Variants in CAMTA1 observed in about 807,000 individuals in gnomAD.
CAMTA1 encodes calmodulin-binding transcription activator 1.
In CAMTA1, 27 loss-of-function variants were observed where a neutral mutation model predicts 170.9. The observed-to-expected ratio is 0.16, with a 90% CI of 0.12 to 0.22. The LOEUF (loss-of-function observed/expected upper bound fraction) is 0.22. Ranked by LOEUF, CAMTA1 falls within the 10% of genes least tolerant of loss-of-function variation. CAMTA1 has a pLI of 1.00. For missense variants in CAMTA1, 1,619 were observed against 2,217.2 expected (o/e 0.73, Z 5.42); for synonymous variants, 833 against 891.5 (o/e 0.93, Z 1.17).
At chr1:7,012,930 C>T (rs1244945669) in intron 3 of CAMTA1, among the ~76,000 whole-genome samples, 4 of 152,290 alleles carry the variant, frequency 2.6e-5, no homozygotes, top group South Asian at 4.2e-4. Flanking sequence ...GGGTATAGAA[C>T]CTGAGTGTCT....
At position 7,572,123 on chromosome 1, in the gene CAMTA1, G is replaced by A. The variant is rs753004990; in HGVS notation, c.511-68277G>A. ...AGCATTTTTCATATGCCTATTGGCC[G>A]CATGTATGTCTTCTTTTGAAAAGTG... On this transcript the variant is annotated intron_variant, in intron 6 of 22. Transcript: ENST00000303635. Among the ~76,000 whole-genome samples, 7 of 152,258 alleles carry A rather than the reference G, an allele frequency of 4.6e-5. No homozygotes were observed. In the South Asian group the frequency reaches 1.0e-3, roughly 23 times the overall value.
intron 1 of CAMTA1, among the ~76,000 whole-genome samples, chr1:6,812,894 TG>T (rs1041397251): frequency 5.3e-5 from 8 of 152,238 alleles, no homozygotes; most frequent in African/African-American, 1.9e-4. Flanking sequence ...TGTTTGCTTT[TG>T]AACTCAATTC....
intron 3 of CAMTA1, among the ~76,000 whole-genome samples, chr1:7,052,014 A>G (rs896800440): frequency 7.5e-6 from 1 of 132,602 alleles, no homozygotes; most frequent in Admixed American, 9.0e-5. Flanking sequence ...GCTGCCCTTC[A>G]GCCCTTTCAA....
Position 7,010,507 on chromosome 1 carries a change from G to T in CAMTA1, c.235-80797G>T, listed in dbSNP as rs1306635697. ...TTCCTTATTTTTTGTTATCTTGGCT[G>T]TTTGACAAATAGACTTTGGAGGTGG... is the stretch of plus-strand genomic sequence containing the variant. On this transcript the variant is annotated intron_variant, in intron 3 of 22. Coordinates refer to ENST00000303635, the MANE Select transcript of CAMTA1 (RefSeq NM_015215.4). The surrounding 1 kb of genome is among the most constrained non-coding windows in gnomAD (Gnocchi z 4.4). Among the ~76,000 whole-genome samples the T allele has an allele frequency of 2.6e-5, 4 of 152,330 alleles. No homozygotes were observed. The East Asian group carries it at 7.7e-4, about 29-fold the overall frequency.
rs113794585 is a variant in CAMTA1 at position 7,730,561 on chromosome 1, C to G, written c.2915-1887C>G. Among the ~76,000 whole-genome samples the G allele has an allele frequency of 9.3e-3, 1,419 of 152,290 alleles. 10 individuals carry two copies. Among genetic ancestry groups the G allele is most frequent in the Non-Finnish European group, 0.015 (1,044 of 68,010 alleles). On this transcript the variant is annotated intron_variant, in intron 11 of 22. Transcript: ENST00000303635. ...CCTGTGCTAGAGTAGGGAGAGACCT[C>G]CCCTCTTCGCTATTGAATATCTGGC...
At position 7,146,694 on chromosome 1, in the gene CAMTA1, G is replaced by C. The variant is rs1646205735; in HGVS notation, c.302+55323G>C. 1.3e-5 allele frequency among the ~76,000 whole-genome samples: 2 copies of C among 152,018 alleles called. No homozygotes were observed. Among genetic ancestry groups the C allele is most frequent in the African/African-American group, 4.8e-5 (2 of 41,378 alleles). On this transcript the variant is annotated intron_variant, in intron 4 of 22. Transcript: ENST00000303635. This position sits in a 1 kb window ranked among gnomAD's most constrained non-coding sequence, Gnocchi z 4.3. ...GGGGTTGATGTGGGCAGTCAGAGGG[G>C]GTAGGGAGAGAAGGGTTTGGCGTAT...
intron 1 of CAMTA1, among the ~76,000 whole-genome samples, chr1:6,800,669 A>G (rs989556743): frequency 3.3e-5 from 5 of 152,196 alleles, no homozygotes; most frequent in South Asian, 2.1e-4. Flanking sequence ...ATTAAAATCT[A>G]TCGATTCCCA....
rs552161442 is a variant in CAMTA1 at position 7,406,363 on chromosome 1, TC to T, written c.439-61465del. On this transcript the variant is annotated intron_variant, in intron 5 of 22. Coordinates refer to ENST00000303635, the MANE Select transcript of CAMTA1 (RefSeq NM_015215.4). ...ACCACAGCTAACCAGTAGTAAGTGT[TC>T]CTGAAAGGTAGGACATGAGGCCAGA... 1.2e-3 allele frequency among the ~76,000 whole-genome samples: 183 copies of T among 152,284 alleles called. 1 individual carries two copies. Among genetic ancestry groups the T allele is most frequent in the African/African-American group, 4.3e-3 (177 of 41,552 alleles).
At chr1:7,011,036 G>A (rs904942704) in intron 3 of CAMTA1, among the ~76,000 whole-genome samples, 2 of 152,154 alleles carry the variant, frequency 1.3e-5, no homozygotes, top group East Asian at 1.9e-4. Flanking sequence ...CAGCGGTCCC[G>A]ACAGACGCCT....
At chr1:7,049,642 A>G (rs992037002) in intron 3 of CAMTA1, among the ~76,000 whole-genome samples, 1 of 152,112 alleles carries the variant, frequency 6.6e-6, no homozygotes, top group Non-Finnish European at 1.5e-5. Flanking sequence ...TTTTTACTAG[A>G]GATGAGGTTT....
Position 7,259,559 on chromosome 1 carries a change from C to A in CAMTA1, c.438+9933C>A, listed in dbSNP as rs114653447. On this transcript the variant is annotated intron_variant, in intron 5 of 22. Transcript: ENST00000303635. ...GCCATTCTGTTGTTGCCAGTAGGGT[C>A]CTGCCTCAGTGCCTTGCCCCCAGGC... is the stretch of plus-strand genomic sequence containing the variant. Among the ~76,000 whole-genome samples the A allele has an allele frequency of 3.5e-3, 528 of 152,310 alleles. 3 individuals are homozygous for A. The highest frequency in any genetic ancestry group is 0.012 in the African/African-American group (492 of 41,570).
At chr1:7,309,967 A>G (rs1676211275) in intron 5 of CAMTA1, among the ~76,000 whole-genome samples, 1 of 152,110 alleles carries the variant, frequency 6.6e-6, no homozygotes, top group Admixed American at 6.5e-5. Flanking sequence ...ATAATTGTCT[A>G]TTATATTTAC....
chr1:7,571,487 C>A (rs980684415), intron 6 of CAMTA1, among the ~76,000 whole-genome samples: 30 of 152,300 alleles, frequency 2.0e-4, no homozygotes, highest in Non-Finnish European at 8.8e-5. Flanking sequence ...TCCCTCCTCC[C>A]ACCTTCTGCC....
At chr1:7,513,813 C>T (rs6701878) in intron 6 of CAMTA1, among the ~76,000 whole-genome samples, 37,279 of 151,916 alleles carry the variant, frequency 0.25, 4,732 homozygotes, top group East Asian at 0.42. Context: ...TTCCAGCTAC[C>T]CTGGAGGCCG....
At chr1:7,153,815 C>T (rs918162601) in intron 4 of CAMTA1, among the ~76,000 whole-genome samples, 7 of 152,206 alleles carry the variant, frequency 4.6e-5, no homozygotes, top group Non-Finnish European at 1.0e-4. Context: ...CATTCTAGGT[C>T]TTGGGAGCAT....
chr1:7,228,373 C>G (rs1295834949), intron 4 of CAMTA1, among the ~76,000 whole-genome samples: 2 of 152,174 alleles, frequency 1.3e-5, no homozygotes, highest in Non-Finnish European at 2.9e-5. Flanking sequence ...GGGGCCGAGG[C>G]GGGCAGGTTC....
At chr1:7,148,140 TACAC>T (rs574575761) in intron 4 of CAMTA1, among the ~76,000 whole-genome samples, 4 of 140,944 alleles carry the variant, frequency 2.8e-5, no homozygotes, top group East Asian at 2.2e-4. Flanking sequence ...ACACAATGCA[TACAC>T]ACACGACACA....
intron 4 of CAMTA1, among the ~76,000 whole-genome samples, chr1:7,141,280 T>A (rs181726926): frequency 6.6e-6 from 1 of 152,324 alleles, no homozygotes; most frequent in Admixed American, 6.5e-5. Flanking sequence ...TCAGAAGGCA[T>A]CTGTTCTCAC....
At chr1:7,357,407 C>T (rs11801158) in intron 5 of CAMTA1, among the ~76,000 whole-genome samples, 3,299 of 152,318 alleles carry the variant, frequency 0.022, 116 homozygotes, top group African/African-American at 0.075. Context: ...AACTGAGTTG[C>T]CCCCTTGCCG....
Sources: gnomAD v4.1 joint callset for allele counts (sites outside exome capture counted in the v4.1 genomes callset) on GRCh38, gnomAD v4.1.1 for gene constraint, Gnocchi (gnomAD v3.1) non-coding constraint, MANE v1.5 for transcripts, NCBI Gene and HGNC (gene_info 2026-07-23, HGNC 2026-07-21) for gene names.